OPCML: variants seen among roughly 807,000 people sequenced by gnomAD.
The protein encoded by OPCML is opioid-binding protein/cell adhesion molecule.
OPCML carries 13 observed loss-of-function variants against 37.8 expected under a neutral mutation model. That is an observed-to-expected ratio of 0.34 (90% CI 0.22 to 0.55). The LOEUF is 0.55. Among genes scored for constraint, OPCML ranks in the 20% least tolerant of loss-of-function variants. The probability of loss-of-function intolerance (pLI) is 0.91; values close to 1 mark genes in which losing one functional copy is unlikely to be tolerated. For synonymous variants in OPCML, 176 were observed against 168.8 expected, an observed-to-expected ratio of 1.04 and a Z score of -0.33; for missense variants, 341 against 435.6, an observed-to-expected ratio of 0.78 and a Z score of 1.93.
At chr11:132,871,015 T>C (rs1167910081) in intron 2 of OPCML, among the ~76,000 whole-genome samples, 1 of 152,126 alleles carries the variant, frequency 6.6e-6, no homozygotes. Flanking sequence ...TAACAATGTT[T>C]CCTGTTCCTG....
intron 2 of OPCML, among the ~76,000 whole-genome samples, chr11:132,673,561 C>T (rs1942569380): frequency 6.6e-6 from 1 of 152,066 alleles, no homozygotes; most frequent in South Asian, 2.1e-4. Flanking sequence ...TATTTATGCT[C>T]TGATAGGGTT....
chr11:133,273,261 T>C (rs1469925229), intron 1 of OPCML, among the ~76,000 whole-genome samples: 3 of 152,012 alleles, frequency 2.0e-5, no homozygotes, highest in South Asian at 4.2e-4. Flanking sequence ...GGGAAGAAAA[T>C]GTCCTAGGAG....
At chr11:133,095,128 T>C (rs980397975) in intron 1 of OPCML, among the ~76,000 whole-genome samples, 1 of 152,002 alleles carries the variant, frequency 6.6e-6, no homozygotes, top group Non-Finnish European at 1.5e-5. Context: ...ATGTAGCTGT[T>C]CTATTGGTGC....
intron 1 of OPCML, among the ~76,000 whole-genome samples, chr11:132,956,054 A>C (rs546890759): frequency 6.6e-6 from 1 of 152,344 alleles, no homozygotes; most frequent in East Asian, 1.9e-4. Flanking sequence ...AGTCTCACAG[A>C]TATCATAGCT....
chr11:132,721,183 C>T (rs1185454301), intron 2 of OPCML, among the ~76,000 whole-genome samples: 3 of 152,090 alleles, frequency 2.0e-5, no homozygotes, highest in Non-Finnish European at 2.9e-5. Flanking sequence ...GAGAAACGAA[C>T]TTTGTCCAAG....
chr11:132,619,584 A>G (rs1289397692), intron 3 of OPCML, among the ~76,000 whole-genome samples: 1 of 151,952 alleles, frequency 6.6e-6, no homozygotes, highest in Non-Finnish European at 1.5e-5. Context: ...TCATGCCTGT[A>G]ATCCCAGCAC....
intron 1 of OPCML, among the ~76,000 whole-genome samples, chr11:132,989,391 TA>T (rs202169744): frequency 2.6e-5 from 4 of 152,016 alleles, no homozygotes; most frequent in African/African-American, 9.7e-5. Context: ...AAATCACACA[TA>T]AAAAATGCAT....
chr11:133,361,767 G>A (rs1437671673), intron 1 of OPCML: 1 of 153,928 alleles, frequency 6.5e-6, no homozygotes, highest in Non-Finnish European at 1.4e-5. Context: ...AGGGCTGGCA[G>A]TGTCGCTCAC....
intron 3 of OPCML, among the ~76,000 whole-genome samples, chr11:132,589,519 C>T (rs1039842718): frequency 4.6e-5 from 7 of 152,110 alleles, no homozygotes; most frequent in African/African-American, 1.2e-4. Context: ...AAAATTGCTA[C>T]AATGGAAAGT....
intron 2 of OPCML, among the ~76,000 whole-genome samples, chr11:132,843,526 G>A (rs555077100): frequency 3.9e-5 from 6 of 151,956 alleles, no homozygotes; most frequent in Non-Finnish European, 5.9e-5. Flanking sequence ...TTTAAACATA[G>A]CACTGGTGTT....
intron 2 of OPCML, among the ~76,000 whole-genome samples, chr11:132,866,544 T>C (rs1942565229): frequency 6.6e-6 from 1 of 152,234 alleles, no homozygotes; most frequent in Non-Finnish European, 1.5e-5. Context: ...GGAATCATCA[T>C]AATCGACAAG....
intron 1 of OPCML, among the ~76,000 whole-genome samples, chr11:133,391,246 G>A (rs1945168721): frequency 6.6e-6 from 1 of 152,164 alleles, no homozygotes; most frequent in Non-Finnish European, 1.5e-5. Flanking sequence ...ATGTGCCCTT[G>A]AAGACACATT....
intron 3 of OPCML, among the ~76,000 whole-genome samples, chr11:132,621,248 T>A (rs1456388260): frequency 6.6e-6 from 1 of 152,234 alleles, no homozygotes; most frequent in Non-Finnish European, 1.5e-5. Flanking sequence ...TGTCTGGTAA[T>A]TTCTATTAAA....
chr11:132,673,924 C>T (rs1942585938), intron 2 of OPCML, among the ~76,000 whole-genome samples: 1 of 152,170 alleles, frequency 6.6e-6, no homozygotes, highest in Non-Finnish European at 1.5e-5. Flanking sequence ...CTCTCCTAAC[C>T]CACTATTAGC....
chr11:133,122,632 A>C (rs1315667546), intron 1 of OPCML, among the ~76,000 whole-genome samples: 1 of 152,026 alleles, frequency 6.6e-6, no homozygotes, highest in Non-Finnish European at 1.5e-5. Flanking sequence ...CCACCTGGGC[A>C]CCTTTTTGTC....
chr11:132,691,565 T>G (rs1943404407), intron 2 of OPCML, among the ~76,000 whole-genome samples: 1 of 152,216 alleles, frequency 6.6e-6, no homozygotes, highest in Non-Finnish European at 1.5e-5. Flanking sequence ...GAGTGTCAGC[T>G]ACATGTGGAG....
intron 1 of OPCML, among the ~76,000 whole-genome samples, chr11:133,435,794 C>T (rs1461160663): frequency 1.3e-5 from 2 of 152,182 alleles, no homozygotes; most frequent in Non-Finnish European, 2.9e-5. Context: ...CCAATTCATG[C>T]CCCGTGAAGA....
At chr11:132,475,978 C>T (rs1251275406) in intron 4 of OPCML, among the ~76,000 whole-genome samples, 1 of 152,138 alleles carries the variant, frequency 6.6e-6, no homozygotes, top group Non-Finnish European at 1.5e-5. Context: ...GTTTTCTCAT[C>T]TGTGAAATGG....
chr11:133,158,172 T>A (rs1030928013), intron 1 of OPCML, among the ~76,000 whole-genome samples: 2 of 152,188 alleles, frequency 1.3e-5, no homozygotes, highest in African/African-American at 4.8e-5. Flanking sequence ...ATTGTTGGAC[T>A]TTTGCGTTCT....
Sources: gnomAD v4.1 joint callset for allele counts (sites outside exome capture counted in the v4.1 genomes callset) on GRCh38, gnomAD v4.1.1 for gene constraint, MANE v1.5 for transcripts, NCBI Gene and HGNC (gene_info 2026-07-23, HGNC 2026-07-21) for gene names.